Variants in TRIM36 observed in about 807,000 individuals in gnomAD.
TRIM36 encodes tripartite motif containing 36, also known as E3 ubiquitin-protein ligase TRIM36.
A neutral mutation model predicts 72.4 loss-of-function variants in TRIM36; 42 were observed. The ratio of observed to expected loss-of-function variants is 0.58; its 90% confidence interval spans 0.45 to 0.75. The LOEUF (loss-of-function observed/expected upper bound fraction) is 0.75. Ranked by LOEUF, TRIM36 falls within the 30% of genes least tolerant of loss-of-function variation. The pLI is 0.00. For synonymous variants in TRIM36, 315 were observed against 282.8 expected, an observed-to-expected ratio of 1.11 and a Z score of -1.14; for missense variants, 913 against 857.1, an observed-to-expected ratio of 1.07 and a Z score of -0.81.
Position 115,140,711 on chromosome 5 carries a change from T to G in TRIM36, c.831+568A>C, listed in dbSNP as rs183021095. ...CCTGTCGACATTACTGCAAGATTAA[T>G]CTACCTGCTGTGTGCAGCTGCAGAT... is the stretch of plus-strand genomic sequence containing the variant. On this transcript the variant is annotated intron_variant, in intron 5 of 9. Coordinates refer to ENST00000513154, the MANE Select transcript of TRIM36 (RefSeq NM_001300759.2). 1.2e-3 allele frequency among the ~76,000 whole-genome samples: 181 copies of G among 152,322 alleles called. 2 individuals carry two copies. Among genetic ancestry groups the G allele is most frequent in the African/African-American group, 4.0e-3 (168 of 41,572 alleles).
intron 9 of TRIM36, 75 bp downstream of exon 9, chr5:115,130,517 A>G (rs1192199695): frequency 1.3e-6 from 2 of 1,497,014 alleles, no homozygotes; most frequent in African/African-American, 2.8e-5. Flanking sequence ...TATACTCCAA[A>G]TGTAACAAAG....
intron 1 of TRIM36, among the ~76,000 whole-genome samples, chr5:115,163,990 G>T (rs150372347): frequency 6.6e-6 from 1 of 152,268 alleles, no homozygotes; most frequent in East Asian, 1.9e-4. Flanking sequence ...GAAAAATTAT[G>T]TAAAATATTA....
intron 9 of TRIM36, 78 bp downstream of exon 9, chr5:115,130,514 C>G: frequency 6.7e-7 from 1 of 1,484,096 alleles, no homozygotes; most frequent in Non-Finnish European, 9.1e-7. Flanking sequence ...ATGTATACTC[C>G]AAATGTAACA....
At chr5:115,179,898 C>G (rs1180740165) in intron 1 of TRIM36, 3 of 1,443,504 alleles carry the variant, frequency 2.1e-6, no homozygotes, top group East Asian at 2.3e-5. Flanking sequence ...GGAATGGACA[C>G]GGACGCCCAC....
intron 8 of TRIM36, 144 bp from the exon 9 acceptor site, chr5:115,131,033 A>G (rs1000324929): frequency 1.2e-6 from 1 of 836,868 alleles, no homozygotes; most frequent in African/African-American, 1.7e-5. Flanking sequence ...ACTATGACAA[A>G]CCAAAACCCA....
chr5:115,142,384 C>A (rs1016184779), intron 4 of TRIM36, among the ~76,000 whole-genome samples: 1 of 152,094 alleles, frequency 6.6e-6, no homozygotes, highest in Non-Finnish European at 1.5e-5. Flanking sequence ...TCTTTTTTAA[C>A]TAGGGTAGCA....
chr5:115,164,980 T>C (rs1025109587), intron 1 of TRIM36, among the ~76,000 whole-genome samples: 1 of 152,224 alleles, frequency 6.6e-6, no homozygotes, highest in Non-Finnish European at 1.5e-5. Flanking sequence ...CATGAAAGTC[T>C]GAAACCCAAA....
intron 2 of TRIM36, 138 bp from the exon 3 acceptor site, chr5:115,147,532 G>T: frequency 1.9e-6 from 2 of 1,052,016 alleles, no homozygotes; most frequent in Non-Finnish European, 2.7e-6. Flanking sequence ...CGTGAAATTT[G>T]TATTGTGAAA....
chr5:115,173,653 G>A (rs961387628), upstream of TRIM36, among the ~76,000 whole-genome samples: 1 of 152,078 alleles, frequency 6.6e-6, no homozygotes, highest in Non-Finnish European at 1.5e-5. Context: ...ATGTTGAGCA[G>A]CTTTTGAAGG....
At chr5:115,130,139 C>G (rs751278972) in intron 9 of TRIM36, among the ~76,000 whole-genome samples, 2 of 152,168 alleles carry the variant, frequency 1.3e-5, no homozygotes, top group East Asian at 1.9e-4. Context: ...TAGTCAATCT[C>G]TTAAGAAACT....
chr5:115,162,603 C>T (rs1000872295), intron 2 of TRIM36, among the ~76,000 whole-genome samples: 3 of 152,142 alleles, frequency 2.0e-5, no homozygotes, highest in Admixed American at 6.5e-5. Context: ...ATATCTAGTA[C>T]ATAACTAAAA....
intron 9 of TRIM36, among the ~76,000 whole-genome samples, chr5:115,128,758 CAAAAAAAAAAAAAAAA>C (rs58384978): frequency 6.4e-5 from 3 of 47,022 alleles, no homozygotes; most frequent in African/African-American, 2.3e-4. Flanking sequence ...GACTCCGTCT[CAAAAAAAAAAAAAAAA>C]AAAAAAAAAA....
chr5:115,162,712 T>G (rs73780080), intron 2 of TRIM36, among the ~76,000 whole-genome samples: 2,129 of 152,180 alleles, frequency 0.014, 41 homozygotes, highest in African/African-American at 0.045. Context: ...CAGCAGAATA[T>G]CAAGTTTTAT....
chr5:115,175,970 C>A (rs1755316422), intron 1 of TRIM36, among the ~76,000 whole-genome samples: 1 of 151,938 alleles, frequency 6.6e-6, no homozygotes, highest in South Asian at 2.1e-4. Flanking sequence ...ACTAATAATA[C>A]AAAAAATTAG....
chr5:115,163,565 C>T lies in TRIM36; in HGVS notation c.215G>A (p.Arg72Gln), dbSNP rs760826625. ...TTTATCCATACTAGGGGAGGGGAGCCGAAGTCGAGGACTGCTTTGATTGGA... is the reference window on the plus strand; with the variant it reads ...TTTATCCATACTAGGGGAGGGGAGCTGAAGTCGAGGACTGCTTTGATTGGA... ...DNSNQSSPRL[R>Q]LPSPSMDKID... The change falls in exon 2 of 10, where the codon CGG becomes CAG. Residue 72 changes from arginine to glutamine, a missense_variant. Transcript: ENST00000513154. 9.3e-6 allele frequency: 15 copies of T among 1,613,978 alleles called. No individual in the cohort carries two copies. Among genetic ancestry groups the T allele is most frequent in the East Asian group, 4.5e-5 (2 of 44,888 alleles).
intron 2 of TRIM36, among the ~76,000 whole-genome samples, chr5:115,162,691 T>C (rs563981778): frequency 8.3e-4 from 126 of 152,214 alleles, no homozygotes; most frequent in African/African-American, 2.9e-3. Flanking sequence ...AATTAGCCAA[T>C]GAAGATCTAC....
Position 115,137,568 on chromosome 5 carries a change from G to C in TRIM36, c.880C>G (p.Leu294Val), listed in dbSNP as rs559702650. Reference sequence around the variant, plus strand: ...TTCCTCTCTTCCAGAACTTCAAAGAGCTTTTCAAAATGTGTAATTGCTTCT... The same window carrying C: ...TTCCTCTCTTCCAGAACTTCAAAGACCTTTTCAAAATGTGTAATTGCTTCT... ...KEEAITHFEK[L>V]FEVLEERKSS... The change falls in exon 6 of 10, where the codon CTC becomes GTC. Residue 294 changes from leucine (L) to valine (V), a missense_variant. By Grantham distance (32) the Leu-to-Val change is conservative. Coordinates refer to ENST00000513154, the MANE Select transcript of TRIM36 (RefSeq NM_001300759.2). 6.2e-7 allele frequency: 1 copy of C among 1,613,488 alleles called. No homozygotes were observed. The highest frequency in any genetic ancestry group is 1.1e-5 in the South Asian group (1 of 90,976).
At chr5:115,144,478 CTT>C in intron 4 of TRIM36, 118 bp downstream of exon 4, 1 of 1,256,336 alleles carries the variant, frequency 8.0e-7, no homozygotes, top group South Asian at 1.4e-5. Flanking sequence ...CTAAGTAACA[CTT>C]TAACTCATTT....
chr5:115,130,576 C>T lies in TRIM36; in HGVS notation c.1796+16G>A. The T allele has an allele frequency of 1.2e-6, 2 of 1,604,044 alleles. No individual in the cohort carries two copies. Among genetic ancestry groups the T allele is most frequent in the Non-Finnish European group, 1.7e-6 (2 of 1,175,166 alleles). ...TTTAAAAAATTATCAAGTTCTAGAT[C>T]AATACAAAAACCTACCTTGGACTAA... On this transcript the variant is annotated intron_variant, in intron 9 of 9. Coordinates refer to ENST00000513154, the MANE Select transcript of TRIM36 (RefSeq NM_001300759.2).
Sources: gnomAD v4.1 joint callset for allele counts (sites outside exome capture counted in the v4.1 genomes callset) on GRCh38, gnomAD v4.1.1 for gene constraint, MANE v1.5 for transcripts, NCBI Gene and HGNC (gene_info 2026-07-23, HGNC 2026-07-21) for gene names.